Variants in UBE2E1 observed in about 807,000 individuals in gnomAD.
UBE2E1 encodes ubiquitin conjugating enzyme E2 E1, also known as ubiquitin-conjugating enzyme E2 E1.
UBE2E1 carries 6 observed loss-of-function variants against 21.4 expected under a neutral mutation model. The observed-to-expected ratio is 0.28, with a 90% CI of 0.15 to 0.55. UBE2E1 has a LOEUF of 0.55. UBE2E1 is among the 20% of genes least tolerant of loss of function. UBE2E1 has a pLI of 0.93. For synonymous variants in UBE2E1, 87 were observed against 82.7 expected (o/e 1.05, Z -0.28); for missense variants, 142 against 236.5 (o/e 0.60, Z 2.62).
chr3:23,878,087 T>C (rs1397582488), intron 3 of UBE2E1, among the ~76,000 whole-genome samples: 2 of 152,190 alleles, frequency 1.3e-5, no homozygotes, highest in Non-Finnish European at 2.9e-5. Context: ...ATGTCACAAC[T>C]GTGTTCTGGT....
At chr3:23,835,956 G>T (rs1699967030) in intron 3 of UBE2E1, among the ~76,000 whole-genome samples, 1 of 152,164 alleles carries the variant, frequency 6.6e-6, no homozygotes, top group Admixed American at 6.5e-5. Context: ...TTTCCTGTGA[G>T]TTTTAAGCTA....
At chr3:23,861,144 C>G (rs949326682) in intron 3 of UBE2E1, among the ~76,000 whole-genome samples, 2 of 152,140 alleles carry the variant, frequency 1.3e-5, no homozygotes, top group Non-Finnish European at 2.9e-5. Context: ...GTGTTGATGC[C>G]TTCGGAGGAT....
chr3:23,811,572 T>C, intron 3 of UBE2E1, 62 bp downstream of exon 3: 3 of 1,498,076 alleles, frequency 2.0e-6, no homozygotes, highest in Non-Finnish European at 2.8e-6. Context: ...CTTGGGTTTT[T>C]CTTTTTATTA....
At chr3:23,850,686 T>G (rs1273416402) in intron 3 of UBE2E1, among the ~76,000 whole-genome samples, 2 of 148,686 alleles carry the variant, frequency 1.3e-5, no homozygotes, top group African/African-American at 2.5e-5. Flanking sequence ...TGATTGTTTT[T>G]TTTTTTTTTT....
chr3:23,868,185 G>A (rs1420216852), intron 3 of UBE2E1, among the ~76,000 whole-genome samples: 1 of 152,192 alleles, frequency 6.6e-6, no homozygotes, highest in Non-Finnish European at 1.5e-5. Flanking sequence ...AATGCCTGGA[G>A]TAAGAATTAT....
At chr3:23,881,924 A>T (rs961208663) in intron 3 of UBE2E1, among the ~76,000 whole-genome samples, 2 of 151,410 alleles carry the variant, frequency 1.3e-5, no homozygotes, top group African/African-American at 4.9e-5. Flanking sequence ...TTAAGGCAGC[A>T]CGTCTGGAGC....
intron 3 of UBE2E1, among the ~76,000 whole-genome samples, chr3:23,831,247 A>G (rs1011756580): frequency 3.3e-5 from 5 of 151,888 alleles, no homozygotes; most frequent in South Asian, 2.1e-4. Context: ...ATTCTCTCCA[A>G]CTCTCATCTA....
intron 3 of UBE2E1, among the ~76,000 whole-genome samples, chr3:23,824,738 G>C (rs1699719598): frequency 6.6e-6 from 1 of 152,052 alleles, no homozygotes; most frequent in Non-Finnish European, 1.5e-5. Context: ...TTTCCTTTCT[G>C]GTTGAAATCT....
At position 23,807,335 on chromosome 3, in the gene UBE2E1, C is replaced by A; in HGVS notation, c.66C>A (p.Thr22=). ...CATCTTCGTCTTCCAACCAGCAAAC[C>A]GAGAAAGAAACAAACACCCCCAAGA... The part of the protein sequence containing the change: ...SSSSSSSNQQ[T]EKETNTPKKK... The change falls in exon 2 of 6, where the codon ACC becomes ACA. Residue 22 remains threonine (T), a synonymous_variant. Transcript: ENST00000306627. 1 of 1,613,854 alleles carries A rather than the reference C, an allele frequency of 6.2e-7. No homozygotes were observed. The highest frequency in any genetic ancestry group is 8.5e-7 in the Non-Finnish European group (1 of 1,179,960).
chr3:23,817,972 T>C (rs1487341676), intron 3 of UBE2E1, among the ~76,000 whole-genome samples: 2 of 152,126 alleles, frequency 1.3e-5, no homozygotes, highest in East Asian at 3.9e-4. Context: ...TGAGTGGAGC[T>C]TGGTAGGAAC....
chr3:23,870,374 ACT>A lies in UBE2E1; in HGVS notation c.204-17190_204-17189del, dbSNP rs1364143846. On this transcript the variant is annotated intron_variant, in intron 3 of 5. Transcript: ENST00000306627. This position sits in a 1 kb window ranked among gnomAD's most constrained non-coding sequence, Gnocchi z 4.2. ...CCATATTCAGAGGGAGGGGAATTAGACTCTGCCTCTTTGAGCAGTTTCAAACA... is the reference window on the plus strand; with the variant it reads ...CCATATTCAGAGGGAGGGGAATTAGACTGCCTCTTTGAGCAGTTTCAAACA... Among the ~76,000 whole-genome samples the A allele has an allele frequency of 1.3e-5, 2 of 152,182 alleles. No individual in the cohort carries two copies. Among genetic ancestry groups the A allele is most frequent in the Non-Finnish European group, 1.5e-5 (1 of 68,034 alleles).
chr3:23,871,959 C>T, intron 3 of UBE2E1, among the ~76,000 whole-genome samples: 1 of 150,884 alleles, frequency 6.6e-6, no homozygotes, highest in African/African-American at 2.5e-5. Flanking sequence ...CTCCTCACTT[C>T]CCAGACAGGG....
Position 23,887,485 on chromosome 3 carries a change from G to A in UBE2E1, c.204-82G>A, listed in dbSNP as rs1559496414. 2.0e-6 allele frequency: 3 copies of A among 1,482,388 alleles called. No homozygotes were observed. The highest frequency in any genetic ancestry group is 2.7e-6 in the Non-Finnish European group (3 of 1,112,870). 91.8% of individuals were successfully genotyped at this position (1,482,388 alleles called of 1,614,324 possible). On this transcript the variant is annotated intron_variant, in intron 3 of 5. Transcript: ENST00000306627. This position sits in a 1 kb window ranked among gnomAD's most constrained non-coding sequence, Gnocchi z 4.4. ...ACAGTAAACAAAAGAGAGGAGAGAG[G>A]TAATCTTTCCATCTCTTTTAATACA...
rs976316374 is a variant in UBE2E1, at chr3:23,808,712, GCTT to G, written c.152+1294_152+1296del. ...TTTATAGGTTTGGTTTGATTGTACA[GCTT>G]CTCAGGAGGCCTGACTGACCCTCAC... On this transcript the variant is annotated intron_variant, in intron 2 of 5. Coordinates refer to ENST00000306627, the MANE Select transcript of UBE2E1 (RefSeq NM_003341.5). The surrounding 1 kb of genome is among the most constrained non-coding windows in gnomAD (Gnocchi z 4.9). 3.3e-5 allele frequency: 5 copies of G among 152,210 alleles called. No homozygotes were observed. The highest frequency in any genetic ancestry group is 9.7e-5 in the African/African-American group (4 of 41,446). The allele number at this position is 152,210 out of a possible 1,614,324, so 9.4% of individuals were successfully genotyped here.
intron 3 of UBE2E1, among the ~76,000 whole-genome samples, chr3:23,885,987 A>G (rs896472298): frequency 3.3e-5 from 5 of 152,032 alleles, no homozygotes; most frequent in African/African-American, 1.2e-4. Flanking sequence ...GCTTGAGCCC[A>G]GGAGTTCAAG....
At chr3:23,839,235 G>A (rs935974009) in intron 3 of UBE2E1, among the ~76,000 whole-genome samples, 4 of 152,080 alleles carry the variant, frequency 2.6e-5, no homozygotes, top group South Asian at 2.1e-4. Context: ...AGGCTGAGGC[G>A]GGTGGATCAC....
chr3:23,887,873 C>A lies in UBE2E1; in HGVS notation c.336+174C>A. 1 of 831,720 alleles carries A rather than the reference C, an allele frequency of 1.2e-6. No individual in the cohort carries two copies. Among genetic ancestry groups the A allele is most frequent in the Non-Finnish European group, 1.8e-6 (1 of 559,674 alleles). 51.5% of individuals were successfully genotyped at this position (831,720 alleles called of 1,614,324 possible). On this transcript the variant is annotated intron_variant, in intron 4 of 5. Coordinates refer to ENST00000306627, the MANE Select transcript of UBE2E1 (RefSeq NM_003341.5). This position sits in a 1 kb window ranked among gnomAD's most constrained non-coding sequence, Gnocchi z 4.4. ...TTTAGGTTGATTTTGCCTTATCTGG[C>A]AGAGACCATTCTAGGATTAAGTGCT...
intron 3 of UBE2E1, among the ~76,000 whole-genome samples, chr3:23,871,112 A>C (rs1401980521): frequency 1.3e-5 from 2 of 152,138 alleles, no homozygotes; most frequent in Non-Finnish European, 2.9e-5. Context: ...CCGATTTCTC[A>C]ATCTTTTCCC....
At chr3:23,815,002 T>G (rs1157092114) in intron 3 of UBE2E1, among the ~76,000 whole-genome samples, 1 of 152,200 alleles carries the variant, frequency 6.6e-6, no homozygotes, top group Non-Finnish European at 1.5e-5. Context: ...TTCTCACTTT[T>G]TTTTTGAGAC....
Sources: allele counts gnomAD v4.1 joint callset (sites outside exome capture counted in the v4.1 genomes callset), GRCh38; gene constraint gnomAD v4.1.1; non-coding constraint Gnocchi (gnomAD v3.1); transcripts MANE v1.5; gene names NCBI Gene and HGNC (gene_info 2026-07-23, HGNC 2026-07-21).